PRSS55: variants seen among roughly 807,000 people sequenced by gnomAD.
PRSS55 encodes the protein serine protease 55, also known as probable serine protease UNQ9391/PRO34284.
A neutral mutation model predicts 23.6 loss-of-function variants in PRSS55; 41 were observed. The ratio of observed to expected loss-of-function variants is 1.74; its 90% confidence interval spans 1.35 to 2.26. The LOEUF (loss-of-function observed/expected upper bound fraction) is 2.26, where lower values mean the gene tolerates loss of function less well. Among genes scored for constraint, PRSS55 ranks in the 30% most tolerant of loss-of-function variants. PRSS55 has a pLI of 0.00. For missense variants in PRSS55, 669 were observed against 439.1 expected, an observed-to-expected ratio of 1.52 and a Z score of -4.68; for synonymous variants, 262 against 175.5, an observed-to-expected ratio of 1.49 and a Z score of -3.90.
At chr8:10,548,810 A>C (rs1300609672) in intron 4 of PRSS55, among the ~76,000 whole-genome samples, 2 of 152,210 alleles carry the variant, frequency 1.3e-5, no homozygotes, top group East Asian at 1.9e-4. Context: ...ACATCCACTC[A>C]AAAGCCTTTT....
chr8:10,533,045 C>A lies in PRSS55; in HGVS notation c.738C>A (p.Cys246Ter), dbSNP rs1389703630. 3 of 1,614,034 alleles carry A rather than the reference C, an allele frequency of 1.9e-6. No individual in the cohort carries two copies. The African/African-American group carries it at 4.0e-5, about 22-fold the overall frequency. The part of the protein sequence containing the change: ...AGYKNESYDA[C>*]KGDSGGPLVC... ...ACAAGAATGAGAGCTATGATGCCTGCAAGGTAACTAGGGGGTACCCTCCCT... is the reference window on the plus strand; with the variant it reads ...ACAAGAATGAGAGCTATGATGCCTGAAAGGTAACTAGGGGGTACCCTCCCT... Residue 246 changes from cysteine (C) to a stop codon, truncating the protein, a stop_gained, in exon 4 of 5, where the codon TGC becomes TGA. Transcript: ENST00000328655. LOFTEE classifies it low-confidence loss of function (END_TRUNC).
At position 10,531,446 on chromosome 8, in the gene PRSS55, A is replaced by G. The variant is rs750320537; in HGVS notation, c.499A>G (p.Lys167Glu). Reference protein sequence around the residue: ...IALLLLASPIKLDDLKVPICL... With the variant: ...IALLLLASPIELDDLKVPICL... ...CTTGCTGCTGCTGGCTTCGCCCATC[A>G]AGCTCGATGACCTGAAGGTGCCCAT... The change falls in exon 3 of 5, where the codon AAG (lysine) becomes GAG (glutamate). Residue 167 changes from lysine to glutamate, a missense_variant. Physicochemically the swap from Lys to Glu is moderately conservative, Grantham distance 56 (BLOSUM62 1). Coordinates refer to ENST00000328655, the MANE Select transcript of PRSS55 (RefSeq NM_198464.4). 1.9e-6 allele frequency: 3 copies of G among 1,614,076 alleles called. No homozygotes were observed. Among genetic ancestry groups the G allele is most frequent in the Non-Finnish European group, 2.5e-6 (3 of 1,180,058 alleles).
At chr8:10,553,894 T>C in intron 4 of PRSS55, 1 of 1,293,530 alleles carries the variant, frequency 7.7e-7, no homozygotes, top group Non-Finnish European at 1.1e-6. Context: ...CATTGTACAA[T>C]AAATACATAA....
At chr8:10,544,225 A>G (rs1249069046) in intron 4 of PRSS55, among the ~76,000 whole-genome samples, 1 of 152,144 alleles carries the variant, frequency 6.6e-6, no homozygotes, top group Non-Finnish European at 1.5e-5. Context: ...GTATGTTTAC[A>G]GTTGTTATAG....
At chr8:10,526,222 T>G (rs1206389372) in intron 1 of PRSS55, among the ~76,000 whole-genome samples, 3 of 152,202 alleles carry the variant, frequency 2.0e-5, no homozygotes, top group Non-Finnish European at 4.4e-5. Context: ...ACCTAGCAAC[T>G]GCTAGGGGTC....
intron 1 of PRSS55, 117 bp from the exon 2 acceptor site, chr8:10,529,390 G>C: frequency 2.9e-6 from 3 of 1,038,168 alleles, no homozygotes; most frequent in Non-Finnish European, 4.5e-6. Context: ...CTCCTCTCTA[G>C]AATGGGGATG....
chr8:10,538,594 CGTTGGT>C lies in PRSS55; in HGVS notation c.862_867del (p.Leu288_Val289del), dbSNP rs781278378. On this transcript the variant is annotated inframe_deletion, in exon 5 of 5. Transcript: ENST00000328655. ...AAGAACACCCCAGGGATATACACCTCGTTGGTGAACTACAACCTCTGGATCGAGAAA... is the reference window on the plus strand; with the variant it reads ...AAGAACACCCCAGGGATATACACCTCGAACTACAACCTCTGGATCGAGAAA... 6.2e-7 allele frequency: 1 copy of C among 1,614,114 alleles called. No individual in the cohort carries two copies. Among genetic ancestry groups the C allele is most frequent in the South Asian group, 1.1e-5 (1 of 91,078 alleles).
chr8:10,542,330 T>G (rs1331515785), downstream of PRSS55, among the ~76,000 whole-genome samples: 1 of 151,016 alleles, frequency 6.6e-6, no homozygotes, highest in Non-Finnish European at 1.5e-5. Context: ...GGACATGGAG[T>G]TGACCACTGC....
downstream of PRSS55, among the ~76,000 whole-genome samples, chr8:10,543,053 G>A (rs1409360505): frequency 6.6e-6 from 1 of 152,012 alleles, no homozygotes; most frequent in Non-Finnish European, 1.5e-5. Context: ...CATTTCTTAT[G>A]GACAGGTAGA....
At chr8:10,531,612 A>AAGGAAGG (rs1812270401) in intron 3 of PRSS55, 67 bp downstream of exon 3, 2 of 1,584,766 alleles carry the variant, frequency 1.3e-6, no homozygotes, top group Admixed American at 3.4e-5. Context: ...GGAGGAAGCT[A>AAGGAAGG]AGGAAGGAGT....
At chr8:10,552,074 T>C (rs572489530) in intron 4 of PRSS55, among the ~76,000 whole-genome samples, 3 of 152,220 alleles carry the variant, frequency 2.0e-5, no homozygotes, top group Admixed American at 6.5e-5. Flanking sequence ...TAAGCCTTCA[T>C]GTGCTCTGTG....
chr8:10,539,998 G>A (rs959214101), downstream of PRSS55, among the ~76,000 whole-genome samples: 5 of 152,162 alleles, frequency 3.3e-5, no homozygotes, highest in African/African-American at 4.8e-5. Context: ...GGCTCATCCT[G>A]GAGCCAAGCT....
rs116976180 is a variant in PRSS55, at chr8:10,549,074, G to A, written c.742-4869G>A. On this transcript the variant is annotated intron_variant, in intron 4 of 4. Coordinates refer to the PRSS55 transcript ENST00000522210. The stretch of plus-strand genomic sequence containing the variant: ...AAGGCTAGGTGGCCCCTGGAGCCTG[G>A]AGCATTTACTACCTGACCCTTGACA... Among the ~76,000 whole-genome samples, 158 of 152,324 alleles carry A rather than the reference G, an allele frequency of 1.0e-3. 3 individuals are homozygous for A. The highest frequency in any genetic ancestry group is 0.01 in the Middle Eastern group (3 of 294).
At position 10,528,836 on chromosome 8, in the gene PRSS55, T is replaced by C. The variant is rs114447935; in HGVS notation, c.155-671T>C. 6.8e-3 allele frequency among the ~76,000 whole-genome samples: 1,035 copies of C among 152,288 alleles called. 12 individuals are homozygous for C. Among genetic ancestry groups the C allele is most frequent in the African/African-American group, 0.024 (995 of 41,562 alleles). ...CCTACTGGACGCTCTAGGGGAAAAT[T>C]ATTTGCCTTTCCACTTCCAGCTTCT... On this transcript the variant is annotated intron_variant, in intron 1 of 4. Coordinates refer to ENST00000328655, the MANE Select transcript of PRSS55 (RefSeq NM_198464.4).
At position 10,531,402 on chromosome 8, in the gene PRSS55, A is replaced by G. The variant is rs145368954; in HGVS notation, c.455A>G (p.Asn152Ser). Residue 152 changes from asparagine (N) to serine (S), a missense_variant, in exon 3 of 5, where the codon AAC (asparagine) becomes AGC (serine). Transcript: ENST00000328655. ...CTTCACAAAGACTTTAAGAGAGCCA[A>G]CATGGACAATGACATTGCCTTGCTG... The part of the protein sequence containing the change: ...IILHKDFKRA[N>S]MDNDIALLLL... 2 of 1,614,256 alleles carry G rather than the reference A, an allele frequency of 1.2e-6. No homozygotes were observed. The highest frequency in any genetic ancestry group is 1.7e-6 in the Non-Finnish European group (2 of 1,180,054).
downstream of PRSS55, among the ~76,000 whole-genome samples, chr8:10,539,276 C>A (rs1812569718): frequency 6.6e-6 from 1 of 152,192 alleles, no homozygotes; most frequent in African/African-American, 2.4e-5. Context: ...GGCCCACCCA[C>A]ATTATGATGG....
chr8:10,538,921 C>G (rs1812555896), downstream of PRSS55: 3 of 932,130 alleles, frequency 3.2e-6, no homozygotes, highest in African/African-American at 5.0e-5. Flanking sequence ...ACCAGAGAGT[C>G]ACCCTGGGTC....
At chr8:10,542,678 G>T (rs1341536017), downstream of PRSS55, among the ~76,000 whole-genome samples, 1 of 151,528 alleles carries the variant, frequency 6.6e-6, no homozygotes, top group Non-Finnish European at 1.5e-5. Flanking sequence ...GACCAGCCTG[G>T]CCAAGATGGT....
At chr8:10,534,530 G>A (rs575019659) in intron 4 of PRSS55, among the ~76,000 whole-genome samples, 20 of 151,190 alleles carry the variant, frequency 1.3e-4, no homozygotes, top group African/African-American at 4.9e-4. Flanking sequence ...GGAGGGCATG[G>A]ACTTTGGCAT....
Sources: gnomAD v4.1 joint callset for allele counts (sites outside exome capture counted in the v4.1 genomes callset) on GRCh38, gnomAD v4.1.1 for gene constraint, MANE v1.5 for transcripts, NCBI Gene and HGNC (gene_info 2026-07-23, HGNC 2026-07-21) for gene names.